MAP3K10: variants seen among roughly 807,000 people sequenced by gnomAD.
MAP3K10 encodes the protein MKN28 derived nonreceptor_type serine/threonine kinase.
A neutral mutation model predicts 75.0 loss-of-function variants in MAP3K10; 22 were observed. The ratio of observed to expected loss-of-function variants is 0.29; its 90% CI spans 0.21 to 0.42. The LOEUF is 0.42. MAP3K10 is among the 10% of genes least tolerant of loss of function. MAP3K10 has a pLI of 1.00. For missense variants in MAP3K10, 1,165 were observed against 1,379.8 expected (o/e 0.84, Z 2.47); for synonymous variants, 599 against 612.9 (o/e 0.98, Z 0.34).
chr19:40,205,632 G>T lies in MAP3K10; in HGVS notation c.1189-279G>T, dbSNP rs766612986. On this transcript the variant is annotated intron_variant, in intron 4 of 9. Coordinates refer to ENST00000253055, the MANE Select transcript of MAP3K10 (RefSeq NM_002446.4). The surrounding 1 kb of genome is among the most constrained non-coding windows in gnomAD (Gnocchi z 4.3). ...TTGAAATTGGATGATGGGTACAGGG[G>T]GGTGCACTGTTCTCTGCTTTTGTGG... 38 of 535,796 alleles carry T rather than the reference G, an allele frequency of 7.1e-5. No individual in the cohort carries two copies. The highest frequency in any genetic ancestry group is 9.5e-5 in the Non-Finnish European group (29 of 304,556). The allele number at this position is 535,796 out of a possible 1,614,324, so 33.2% of individuals were successfully genotyped here. A position where few individuals can be genotyped will look rare whatever the true frequency, so the allele number is the denominator to read the frequency against.
At chr19:40,207,477 T>C (rs986628519) in intron 5 of MAP3K10, among the ~76,000 whole-genome samples, 1 of 152,210 alleles carries the variant, frequency 6.6e-6, no homozygotes, top group Non-Finnish European at 1.5e-5. Context: ...GGCTCACGTC[T>C]GTAATCCCAG....
Position 40,205,584 on chromosome 19 carries a change from G to C in MAP3K10, c.1188+288G>C. On this transcript the variant is annotated intron_variant, in intron 4 of 9. Coordinates refer to ENST00000253055, the MANE Select transcript of MAP3K10 (RefSeq NM_002446.4). This position sits in a 1 kb window ranked among gnomAD's most constrained non-coding sequence, Gnocchi z 4.3. ...AGAGGAGAGAAGGACGGGGATACAAGATTCGCAAAGCATAGGTAATTGTTG... is the reference window on the plus strand; with the variant it reads ...AGAGGAGAGAAGGACGGGGATACAACATTCGCAAAGCATAGGTAATTGTTG... 1 of 539,672 alleles carries C rather than the reference G, an allele frequency of 1.9e-6. No homozygotes were observed. The highest frequency in any genetic ancestry group is 3.3e-6 in the Non-Finnish European group (1 of 304,374). The allele number at this position is 539,672 out of a possible 1,614,324, so 33.4% of individuals were successfully genotyped here.
intron 6 of MAP3K10, among the ~76,000 whole-genome samples, chr19:40,211,327 T>G (rs1973235061): frequency 6.6e-6 from 1 of 151,710 alleles, no homozygotes. Context: ...CTTTTTTTTT[T>G]TTTTTTTTAA....
In MAP3K10 at chr19:40,213,578, G is replaced by A. The variant is rs1472911412; in HGVS notation, c.1899G>A (p.Pro633=). The A allele has an allele frequency of 3.1e-6, 5 of 1,608,902 alleles. No individual in the cohort carries two copies. Among genetic ancestry groups the A allele is most frequent in the Non-Finnish European group, 4.2e-6 (5 of 1,178,238 alleles). The change falls in exon 9 of 10, where the codon CCG becomes CCA. Residue 633 remains proline (P), a synonymous_variant. Coordinates refer to ENST00000253055, the MANE Select transcript of MAP3K10 (RefSeq NM_002446.4). This position sits in a 1 kb window ranked among gnomAD's most constrained non-coding sequence, Gnocchi z 5.7. ...SSVPPSPYST[P]SYLSVPLPAE... ...TGCCCCCTTCCCCCTACTCGACCCC[G>A]TCCTACCTCTCAGTGCCACTGCCTG...
intron 6 of MAP3K10, 123 bp downstream of exon 6, chr19:40,209,342 C>T (rs998922945): frequency 3.2e-6 from 2 of 633,786 alleles, no homozygotes; most frequent in Non-Finnish European, 5.5e-6. Context: ...AGGCCCTTTT[C>T]CTCATTCTTA....
intron 1 of MAP3K10, among the ~76,000 whole-genome samples, chr19:40,197,769 A>G (rs1373335423): frequency 6.6e-6 from 1 of 152,080 alleles, no homozygotes; most frequent in Non-Finnish European, 1.5e-5. Context: ...CTTCTGCCCC[A>G]GGTTTGCACT....
At position 40,198,647 on chromosome 19, in the gene MAP3K10, C is replaced by A; in HGVS notation, c.863+92C>A. Reference sequence around the variant, plus strand: ...TGGGAGGGAGGGTCTCCTGCTGAAGCCAGGATCTCAGTCTGACAAAGGGAC... The same window carrying A: ...TGGGAGGGAGGGTCTCCTGCTGAAGACAGGATCTCAGTCTGACAAAGGGAC... On this transcript the variant is annotated intron_variant, in intron 2 of 9. Coordinates refer to ENST00000253055, the MANE Select transcript of MAP3K10 (RefSeq NM_002446.4). The surrounding 1 kb of genome is among the most constrained non-coding windows in gnomAD (Gnocchi z 4.3). 1 of 1,317,406 alleles carries A rather than the reference C, an allele frequency of 7.6e-7. No individual in the cohort carries two copies. Among genetic ancestry groups the A allele is most frequent in the Non-Finnish European group, 1.0e-6 (1 of 967,114 alleles). The allele number at this position is 1,317,406 out of a possible 1,614,324, so 81.6% of individuals were successfully genotyped here. A position where few individuals can be genotyped will look rare whatever the true frequency, so the allele number is the denominator to read the frequency against.
intron 1 of MAP3K10, among the ~76,000 whole-genome samples, chr19:40,197,220 G>A (rs749109935): frequency 5.3e-4 from 81 of 152,288 alleles, no homozygotes; most frequent in Non-Finnish European, 1.1e-3. Context: ...AAGAGGGCCA[G>A]CAGACATGCA....
Position 40,198,967 on chromosome 19 carries a change from C to G in MAP3K10, c.863+412C>G, listed in dbSNP as rs986242895. ...CCTGTTGTCCCAGCTACTCGGGAGA[C>G]TGAGGCAGGAGAATCACTTGAGGCC... is the stretch of plus-strand genomic sequence containing the variant. On this transcript the variant is annotated intron_variant, in intron 2 of 9. Coordinates refer to ENST00000253055, the MANE Select transcript of MAP3K10 (RefSeq NM_002446.4). The surrounding 1 kb of genome is among the most constrained non-coding windows in gnomAD (Gnocchi z 4.3). 6.6e-6 allele frequency among the ~76,000 whole-genome samples: 1 copy of G among 152,204 alleles called. No homozygotes were observed. The highest frequency in any genetic ancestry group is 1.9e-4 in the East Asian group (1 of 5,194).
chr19:40,214,127 G>A lies in MAP3K10; in HGVS notation c.2448G>A (p.Thr816=), dbSNP rs1293784089. ...AGTCGCTCACGCCCACCCACGTCACGGCTGCATGCGCTGTGAGCCGCGGGC... is the reference window on the plus strand; with the variant it reads ...AGTCGCTCACGCCCACCCACGTCACAGCTGCATGCGCTGTGAGCCGCGGGC... ...PRQSLTPTHV[T]AACAVSRGHR... Residue 816 remains threonine, a synonymous_variant, in exon 9 of 10, where the codon ACG becomes ACA. Coordinates refer to ENST00000253055, the MANE Select transcript of MAP3K10 (RefSeq NM_002446.4). 3.2e-6 allele frequency: 5 copies of A among 1,558,712 alleles called. No homozygotes were observed. The highest frequency in any genetic ancestry group is 4.3e-6 in the Non-Finnish European group (5 of 1,161,292).
In MAP3K10 at chr19:40,206,436, C is replaced by T. The variant is rs533070839; in HGVS notation, c.1435+279C>T. 1.8e-4 allele frequency: 52 copies of T among 288,380 alleles called. 1 individual carries two copies. In the South Asian group the frequency reaches 4.8e-3, roughly 26 times the overall value. 17.9% of individuals were successfully genotyped at this position (288,380 alleles called of 1,614,324 possible). ...AAAAAATTTTTTTTAATTAGCTGGC[C>T]ACGTTGGCATGCACTTATAGTCCAA... On this transcript the variant is annotated intron_variant, in intron 5 of 9. Transcript: ENST00000253055.
rs552587947 is a variant in MAP3K10 at position 40,198,299 on chromosome 19, T to A, written c.683-76T>A. On this transcript the variant is annotated intron_variant, in intron 1 of 9. Coordinates refer to ENST00000253055, the MANE Select transcript of MAP3K10 (RefSeq NM_002446.4). This position sits in a 1 kb window ranked among gnomAD's most constrained non-coding sequence, Gnocchi z 4.3. ...GTGAGAGGAAAGACGTGTTTCTAGC[T>A]GAGGCAGCGGGCCAGAACACTTGGG... 1 of 1,405,062 alleles carries A rather than the reference T, an allele frequency of 7.1e-7. No homozygotes were observed. The highest frequency in any genetic ancestry group is 1.4e-5 in the African/African-American group (1 of 70,456). 87.0% of individuals were successfully genotyped at this position (1,405,062 alleles called of 1,614,324 possible). A position where few individuals can be genotyped will look rare whatever the true frequency, so the allele number is the denominator to read the frequency against.
intron 1 of MAP3K10, among the ~76,000 whole-genome samples, chr19:40,195,375 G>T (rs1161472256): frequency 3.3e-5 from 5 of 151,018 alleles, no homozygotes; most frequent in African/African-American, 1.2e-4. Flanking sequence ...GAGAGGTGGG[G>T]ACCTAAGAAG....
In MAP3K10 at chr19:40,213,297, C is replaced by T; in HGVS notation, c.1837+109C>T. ...TTCACTGGGCCAGTGAGTGGAAGGC[C>T]TTCCTGGGAAGGGAGATGGTGGCCC... On this transcript the variant is annotated intron_variant, in intron 8 of 9. Transcript: ENST00000253055. This position sits in a 1 kb window ranked among gnomAD's most constrained non-coding sequence, Gnocchi z 5.7. The T allele has an allele frequency of 1.4e-6, 2 of 1,452,688 alleles. No individual in the cohort carries two copies. Among genetic ancestry groups the T allele is most frequent in the South Asian group, 1.4e-5 (1 of 69,526 alleles). 90.0% of individuals were successfully genotyped at this position (1,452,688 alleles called of 1,614,324 possible).
chr19:40,195,784 C>T (rs1157798172), intron 1 of MAP3K10, among the ~76,000 whole-genome samples: 1 of 152,040 alleles, frequency 6.6e-6, no homozygotes, highest in Non-Finnish European at 1.5e-5. Flanking sequence ...CATGAGCCAC[C>T]GCGTCCAATC....
chr19:40,214,940 C>G (rs367861816), intron 9 of MAP3K10, 30 bp from the exon 10 acceptor site: 1 of 1,092,264 alleles, frequency 9.2e-7, no homozygotes. Context: ...TGCCCCACCC[C>G]ACTCACCTCC....
In MAP3K10 at chr19:40,206,244, A is replaced by C; in HGVS notation, c.1435+87A>C. The C allele has an allele frequency of 6.8e-6, 10 of 1,463,608 alleles. No individual in the cohort carries two copies. In the South Asian group the frequency reaches 1.4e-4, roughly 20 times the overall value. The allele number at this position is 1,463,608 out of a possible 1,614,324, so 90.7% of individuals were successfully genotyped here. On this transcript the variant is annotated intron_variant, in intron 5 of 9. Coordinates refer to ENST00000253055, the MANE Select transcript of MAP3K10 (RefSeq NM_002446.4). ...ATTTATCTCTTCCTTTTCTTTTTCA[A>C]CTTGTTTTTATTGCTAAATATATCG...
intron 9 of MAP3K10, 94 bp from the exon 10 acceptor site, chr19:40,214,876 A>T (rs1973321383): frequency 1.5e-6 from 1 of 664,484 alleles, no homozygotes; most frequent in South Asian, 1.8e-5. Flanking sequence ...TCTCGAGAGA[A>T]ACCAGAACTT....
At position 40,196,415 on chromosome 19, in the gene MAP3K10, A is replaced by G. The variant is rs770695609; in HGVS notation, c.683-1960A>G. ...TGTAGTCCCAGCAATTTGGGAGTCC[A>G]AGGCTGGAGGATTGTTTAAGCCCAG... On this transcript the variant is annotated intron_variant, in intron 1 of 9. Transcript: ENST00000253055. Among the ~76,000 whole-genome samples, 74 of 152,212 alleles carry G rather than the reference A, an allele frequency of 4.9e-4. 1 individual carries two copies. The highest frequency in any genetic ancestry group is 2.2e-4 in the Non-Finnish European group (15 of 68,030).
Sources: gnomAD v4.1 joint callset for allele counts (sites outside exome capture counted in the v4.1 genomes callset) on GRCh38, gnomAD v4.1.1 for gene constraint, Gnocchi (gnomAD v3.1) non-coding constraint, MANE v1.5 for transcripts, NCBI Gene and HGNC (gene_info 2026-07-23, HGNC 2026-07-21) for gene names.